Variants in ZNF329 observed in about 807,000 individuals in gnomAD.
ZNF329 encodes the protein zinc finger protein 329.
ZNF329 carries 15 observed loss-of-function variants against 26.6 expected under a neutral mutation model. The observed-to-expected ratio is 0.56, with a 90% confidence interval of 0.38 to 0.87. The LOEUF is 0.87. Ranked by LOEUF, ZNF329 falls within the 40% of genes least tolerant of loss-of-function variation. ZNF329 has a pLI of 0.00. For synonymous variants in ZNF329, 239 were observed against 233.5 expected, an observed-to-expected ratio of 1.02 and a Z score of -0.21; for missense variants, 651 against 651.9, an observed-to-expected ratio of 1.00 and a Z score of 0.02.
upstream of ZNF329, among the ~76,000 whole-genome samples, chr19:58,152,353 A>G (rs2075470604): frequency 6.6e-6 from 1 of 151,818 alleles, no homozygotes. Flanking sequence ...AACATGGTGA[A>G]ACCCCATCTC....
chr19:58,128,846 A>C lies in ZNF329; in HGVS notation c.658T>G (p.Leu220Val). ...TCTCCGGTGTGAGTTCGGTGATGCAAAACAAGAGAAGAGTTCCGTTTGAAG... is the reference window on the plus strand; with the variant it reads ...TCTCCGGTGTGAGTTCGGTGATGCACAACAAGAGAAGAGTTCCGTTTGAAG... Reference protein sequence around the residue: ...KCFKRNSSLVLHHRTHTGEKP... With the variant: ...KCFKRNSSLVVHHRTHTGEKP... Residue 220 changes from leucine to valine, a missense_variant, in exon 4 of 4, where the codon TTG becomes GTG. Leu to Val is a conservative substitution (Grantham distance 32). Coordinates refer to ENST00000598312, the MANE Select transcript of ZNF329 (RefSeq NM_024620.4). 1 of 1,611,196 alleles carries C rather than the reference A, an allele frequency of 6.2e-7. No individual in the cohort carries two copies. Among genetic ancestry groups the C allele is most frequent in the Non-Finnish European group, 8.5e-7 (1 of 1,178,892 alleles).
At chr19:58,154,425 C>T (rs2075509595), upstream of ZNF329, among the ~76,000 whole-genome samples, 1 of 152,188 alleles carries the variant, frequency 6.6e-6, no homozygotes, top group Admixed American at 6.5e-5. Context: ...AGCTTCTGCT[C>T]ACCCCAGTCC....
At chr19:58,147,772 G>T (rs1238130231) in intron 1 of ZNF329, among the ~76,000 whole-genome samples, 2 of 13,074 alleles carry the variant, frequency 1.5e-4, no homozygotes, top group Non-Finnish European at 1.6e-4. Context: ...GGGAGGTGGG[G>T]GGGGTCAGCC....
chr19:58,137,809 C>CAAAAAAAAA (rs72295173), intron 3 of ZNF329, among the ~76,000 whole-genome samples: 1,032 of 76,002 alleles, frequency 0.014, no homozygotes, highest in Non-Finnish European at 0.016. Flanking sequence ...ACAAAAAATA[C>CAAAAAAAAA]AAAAAAAAAA....
At chr19:58,141,503 G>A (rs1253860075) in intron 3 of ZNF329, among the ~76,000 whole-genome samples, 1 of 151,944 alleles carries the variant, frequency 6.6e-6, no homozygotes, top group Non-Finnish European at 1.5e-5. Flanking sequence ...CCATGTTGGT[G>A]AGGCTAGTCT....
chr19:58,148,218 C>T (rs1463628895), intron 1 of ZNF329, among the ~76,000 whole-genome samples: 3 of 151,342 alleles, frequency 2.0e-5, no homozygotes, highest in Admixed American at 6.6e-5. Context: ...GTCATCACCA[C>T]TCCCTAATCT....
intron 3 of ZNF329, among the ~76,000 whole-genome samples, chr19:58,131,444 C>A (rs1350284561): frequency 6.6e-6 from 1 of 151,988 alleles, no homozygotes; most frequent in African/African-American, 2.4e-5. Flanking sequence ...AAATAAAAAA[C>A]AGACAAGGAT....
At chr19:58,154,474 G>A (rs1456316614), upstream of ZNF329, among the ~76,000 whole-genome samples, 2 of 152,186 alleles carry the variant, frequency 1.3e-5, no homozygotes, top group African/African-American at 4.8e-5. Context: ...TCCAGTTGCT[G>A]GACGCTGCCT....
At chr19:58,131,907 C>A (rs1391602861) in intron 3 of ZNF329, among the ~76,000 whole-genome samples, 1 of 151,658 alleles carries the variant, frequency 6.6e-6, no homozygotes, top group Non-Finnish European at 1.5e-5. Context: ...CCTGTAGTCC[C>A]AGCTACTTGG....
intron 3 of ZNF329, among the ~76,000 whole-genome samples, chr19:58,131,408 C>T (rs1359437858): frequency 2.0e-5 from 3 of 151,788 alleles, no homozygotes; most frequent in Non-Finnish European, 4.4e-5. Flanking sequence ...GAGACCATGT[C>T]TTAAAAACAA....
At chr19:58,153,540 G>T (rs946229763), upstream of ZNF329, among the ~76,000 whole-genome samples, 2 of 152,180 alleles carry the variant, frequency 1.3e-5, no homozygotes, top group Non-Finnish European at 2.9e-5. Context: ...TAGCAGCATA[G>T]ATAATACTAA....
intron 3 of ZNF329, among the ~76,000 whole-genome samples, chr19:58,135,434 T>G (rs1489156393): frequency 6.6e-6 from 1 of 152,090 alleles, no homozygotes; most frequent in Non-Finnish European, 1.5e-5. Flanking sequence ...CGCCAGCTAA[T>G]TTTTGTATTT....
chr19:58,147,957 G>T (rs1457824948), intron 1 of ZNF329, among the ~76,000 whole-genome samples: 1 of 152,212 alleles, frequency 6.6e-6, no homozygotes, highest in East Asian at 1.9e-4. Context: ...TAGAAAGGGG[G>T]GAAAGGTGGG....
chr19:58,141,682 A>G (rs1346578436), intron 3 of ZNF329, among the ~76,000 whole-genome samples: 2 of 152,000 alleles, frequency 1.3e-5, no homozygotes, highest in Middle Eastern at 3.2e-3. Context: ...ATTTGAGCTC[A>G]GGAATTCAAG....
intron 3 of ZNF329, among the ~76,000 whole-genome samples, chr19:58,132,091 A>G (rs2074959621): frequency 6.6e-6 from 1 of 151,444 alleles, no homozygotes; most frequent in Non-Finnish European, 1.5e-5. Flanking sequence ...TTCTCATTCT[A>G]TCATTCAGGC....
intron 3 of ZNF329, among the ~76,000 whole-genome samples, chr19:58,140,203 G>A (rs917016453): frequency 2.6e-5 from 4 of 152,074 alleles, no homozygotes; most frequent in African/African-American, 7.2e-5. Context: ...AGACTGGATC[G>A]GTTCTGGGGG....
At chr19:58,141,917 C>T (rs1461715849) in intron 3 of ZNF329, among the ~76,000 whole-genome samples, 3 of 151,658 alleles carry the variant, frequency 2.0e-5, no homozygotes, top group African/African-American at 4.8e-5. Context: ...ACAAATTAGC[C>T]GGGTATGGTG....
At chr19:58,134,012 C>T (rs541864213) in intron 3 of ZNF329, among the ~76,000 whole-genome samples, 1 of 152,264 alleles carries the variant, frequency 6.6e-6, no homozygotes, top group East Asian at 1.9e-4. Flanking sequence ...TCTCATGATT[C>T]ATGTTAGACC....
At chr19:58,135,561 C>T (rs1453157472) in intron 3 of ZNF329, among the ~76,000 whole-genome samples, 1 of 152,030 alleles carries the variant, frequency 6.6e-6, no homozygotes, top group Non-Finnish European at 1.5e-5. Flanking sequence ...CCACTGCACC[C>T]GGCAGGTGGG....
Sources: allele counts gnomAD v4.1 joint callset (sites outside exome capture counted in the v4.1 genomes callset), GRCh38; gene constraint gnomAD v4.1.1; transcripts MANE v1.5; gene names NCBI Gene and HGNC (gene_info 2026-07-23, HGNC 2026-07-21).